Variants in PTPRN observed in about 807,000 individuals in gnomAD.
The protein encoded by PTPRN is protein tyrosine phosphatase receptor type N.
A neutral mutation model predicts 108.5 loss-of-function variants in PTPRN; 70 were observed. The observed-to-expected ratio is 0.65, with a 90% confidence interval of 0.53 to 0.79. The LOEUF is 0.79. Ranked by LOEUF, PTPRN falls within the 30% of genes least tolerant of loss-of-function variation. The probability of loss-of-function intolerance (pLI) is 0.00; values close to 1 mark genes in which losing one functional copy is unlikely to be tolerated. For synonymous variants in PTPRN, 496 were observed against 524.6 expected, an observed-to-expected ratio of 0.95 and a Z score of 0.75; for missense variants, 1,136 against 1,295.5, an observed-to-expected ratio of 0.88 and a Z score of 1.89.
At chr2:219,291,700 G>A (rs988433344) in intron 19 of PTPRN, 177 bp from the exon 20 acceptor site, 89 of 656,498 alleles carry the variant, frequency 1.4e-4, no homozygotes, top group Non-Finnish European at 2.1e-4. Context: ...GCTGGTGTGG[G>A]TGGCATTGGG....
chr2:219,293,696 G>C (rs1207699522), intron 19 of PTPRN, among the ~76,000 whole-genome samples: 1 of 152,102 alleles, frequency 6.6e-6, no homozygotes, highest in Non-Finnish European at 1.5e-5. Flanking sequence ...CAGGCCTCAG[G>C]GACCCCAGTT....
At chr2:219,301,756 C>CGCAA in intron 6 of PTPRN, 37 bp from the exon 7 acceptor site, 1 of 1,582,604 alleles carries the variant, frequency 6.3e-7, no homozygotes, top group Non-Finnish European at 8.6e-7. Context: ...GGGCTGATTG[C>CGCAA]GCAGTGAACT....
chr2:219,290,126 A>G lies in PTPRN; in HGVS notation c.*100T>C. 8.8e-7 allele frequency: 1 copy of G among 1,138,038 alleles called. No homozygotes were observed. Among genetic ancestry groups the G allele is most frequent in the Non-Finnish European group, 1.3e-6 (1 of 759,282 alleles). The allele number at this position is 1,138,038 out of a possible 1,614,324, so 70.5% of individuals were successfully genotyped here. The stretch of plus-strand genomic sequence containing the variant: ...CTTCTAGGAAGGGCTGAGCATGCCC[A>G]AGAGGTGGCTGGTGGGGCAGTGAGG... On this transcript the variant is annotated 3_prime_UTR_variant, in exon 23 of 23. Transcript: ENST00000295718. The surrounding 1 kb of genome is among the most constrained non-coding windows in gnomAD (Gnocchi z 4.2).
chr2:219,293,144 TA>T (rs200108290), intron 19 of PTPRN, among the ~76,000 whole-genome samples: 1,958 of 149,796 alleles, frequency 0.013, 37 homozygotes, highest in African/African-American at 0.04. Context: ...GTTTTCCTTC[TA>T]GGGGGGCTTG....
chr2:219,303,232 C>A (rs1416439866), intron 4 of PTPRN, among the ~76,000 whole-genome samples: 1 of 152,154 alleles, frequency 6.6e-6, no homozygotes, highest in African/African-American at 2.4e-5. Flanking sequence ...AAGTATATGT[C>A]CAAATATTCA....
chr2:219,302,972 A>C, intron 4 of PTPRN, 135 bp from the exon 5 acceptor site: 6 of 503,022 alleles, frequency 1.2e-5, no homozygotes, highest in Non-Finnish European at 2.0e-5. Flanking sequence ...GAGTGACCTC[A>C]GGGGAAGAGA....
At position 219,302,190 on chromosome 2, in the gene PTPRN, T is replaced by G. The variant is rs1488304687; in HGVS notation, c.941A>C (p.Lys314Thr). The change falls in exon 6 of 23, where the codon AAG becomes ACG. Residue 314 changes from lysine to threonine, a missense_variant. Lys to Thr is a moderately conservative substitution (Grantham distance 78). Coordinates refer to ENST00000295718, the MANE Select transcript of PTPRN (RefSeq NM_002846.4). ...CTCTCCACGATCCCCTAGTCCTTCCTTCTCATAGCCCTCTGGGGAGTCCTC... is the reference window on the plus strand; with the variant it reads ...CTCTCCACGATCCCCTAGTCCTTCCGTCTCATAGCCCTCTGGGGAGTCCTC... ...RAEDSPEGYE[K>T]EGLGDRGEKP... 8 of 1,609,524 alleles carry G rather than the reference T, an allele frequency of 5.0e-6. No individual in the cohort carries two copies. Among genetic ancestry groups the G allele is most frequent in the Non-Finnish European group, 6.8e-6 (8 of 1,176,386 alleles).
In PTPRN at chr2:219,297,071, C is replaced by T; in HGVS notation, c.2150G>A (p.Cys717Tyr). ...DRLAKEWQAL[C>Y]AYQAEPNTCA... ...GGTGTTTGGCTCTGCTTGGTAGGCA[C>T]AGAGGGCCTGCCACTCCTTGGCAAG... is the stretch of plus-strand genomic sequence containing the variant. Residue 717 changes from cysteine (C) to tyrosine (Y), a missense_variant, in exon 15 of 23, where the codon TGT becomes TAT. Physicochemically the swap from Cys to Tyr is radical, Grantham distance 194. Coordinates refer to ENST00000295718, the MANE Select transcript of PTPRN (RefSeq NM_002846.4). The surrounding 1 kb of genome is among the most constrained non-coding windows in gnomAD (Gnocchi z 6.0). The T allele has an allele frequency of 6.2e-7, 1 of 1,614,106 alleles. No homozygotes were observed. The highest frequency in any genetic ancestry group is 8.5e-7 in the Non-Finnish European group (1 of 1,180,028).
At chr2:219,298,936 C>G (rs759794094) in intron 12 of PTPRN, 111 bp downstream of exon 12, 3 of 1,306,962 alleles carry the variant, frequency 2.3e-6, no homozygotes, top group Admixed American at 1.7e-5. Context: ...TCCAGCCAGC[C>G]GTGCCTACGG....
At chr2:219,302,983 G>T in intron 4 of PTPRN, 146 bp from the exon 5 acceptor site, 19 of 500,470 alleles carry the variant, frequency 3.8e-5, no homozygotes, top group East Asian at 6.1e-5. Flanking sequence ...GGGGAAGAGA[G>T]ATGGGCTGGG....
intron 3 of PTPRN, 105 bp downstream of exon 3, chr2:219,307,339 C>T (rs759624914): frequency 1.1e-6 from 1 of 940,162 alleles, no homozygotes; most frequent in Non-Finnish European, 1.6e-6. Flanking sequence ...GAAGGTGAGG[C>T]TCCAGCAGTG....
At chr2:219,291,656 A>C in intron 19 of PTPRN, 133 bp from the exon 20 acceptor site, 1 of 944,428 alleles carries the variant, frequency 1.1e-6, no homozygotes. Flanking sequence ...AGATGGTTGG[A>C]GAAAGGAGCC....
Position 219,300,144 on chromosome 2 carries a change from C to G in PTPRN, c.1277G>C (p.Ser426Thr). ...TTTGGGAGGCTCAGAGGAGACAGGG[C>G]TTGGCACCTGCTGGACTTCACTGGA... ...PTSSEVQQVP[S>T]PVSSEPPKAA... The change falls in exon 9 of 23, where the codon AGC (serine) becomes ACC (threonine). Residue 426 changes from serine (S) to threonine (T), a missense_variant. Coordinates refer to ENST00000295718, the MANE Select transcript of PTPRN (RefSeq NM_002846.4). 1 of 1,613,968 alleles carries G rather than the reference C, an allele frequency of 6.2e-7. No individual in the cohort carries two copies. Among genetic ancestry groups the G allele is most frequent in the Non-Finnish European group, 8.5e-7 (1 of 1,179,914 alleles).
chr2:219,298,994 C>T (rs1183410804), intron 12 of PTPRN, 53 bp downstream of exon 12: 8 of 1,601,606 alleles, frequency 5.0e-6, no homozygotes, highest in Middle Eastern at 1.7e-4. Flanking sequence ...CCAGCTCTTG[C>T]GGACAACATC....
intron 12 of PTPRN, among the ~76,000 whole-genome samples, chr2:219,298,420 T>C (rs573064895): frequency 2.8e-4 from 42 of 152,286 alleles, no homozygotes; most frequent in African/African-American, 9.9e-4. Flanking sequence ...ATTTTGAGTA[T>C]AGGCCGGGCG....
chr2:219,297,241 T>C lies in PTPRN; in HGVS notation c.2080A>G (p.Met694Val). 1 of 1,613,950 alleles carries C rather than the reference T, an allele frequency of 6.2e-7. No homozygotes were observed. Among genetic ancestry groups the C allele is most frequent in the East Asian group, 2.2e-5 (1 of 44,866 alleles). The change falls in exon 14 of 23, where the codon ATG becomes GTG. Residue 694 changes from methionine (M) to valine (V), a missense_variant. Coordinates refer to ENST00000295718, the MANE Select transcript of PTPRN (RefSeq NM_002846.4). The surrounding 1 kb of genome is among the most constrained non-coding windows in gnomAD (Gnocchi z 6.0). ...CCAGGCCCTGTCCTGACCAGAATCATGTGTCCCGTGGAGATGTCCATGTTG... is the reference window on the plus strand; with the variant it reads ...CCAGGCCCTGTCCTGACCAGAATCACGTGTCCCGTGGAGATGTCCATGTTG... ...QANMDISTGH[M>V]ILAYMEDHLR...
Position 219,296,661 on chromosome 2 carries a change from G to C in PTPRN, c.2310+88C>G, listed in dbSNP as rs1246426637. Reference sequence around the variant, plus strand: ...GGCCCCACCACTCCAGGGGGTTGGTGGGGTGGCAGGTGACCACGGGGAAAT... The same window carrying C: ...GGCCCCACCACTCCAGGGGGTTGGTCGGGTGGCAGGTGACCACGGGGAAAT... On this transcript the variant is annotated intron_variant, in intron 16 of 22. Transcript: ENST00000295718. This position sits in a 1 kb window ranked among gnomAD's most constrained non-coding sequence, Gnocchi z 6.0. The C allele has an allele frequency of 6.4e-6, 10 of 1,567,264 alleles. No homozygotes were observed. The highest frequency in any genetic ancestry group is 8.7e-6 in the Non-Finnish European group (10 of 1,145,024).
intron 1 of PTPRN, chr2:219,308,762 CCTCT>C (rs145365741): frequency 8.8e-7 from 1 of 1,140,362 alleles, no homozygotes; most frequent in Non-Finnish European, 1.1e-6. Flanking sequence ...GAAACCCTGG[CCTCT>C]CTCTCTGCCC....
chr2:219,290,431 C>A lies in PTPRN; in HGVS notation c.2868+107G>T. ...GAAGGGAGCCCTCCTGGAGGAGGCG[C>A]AGAAGCAGGTGGGAAAGGTTGGCAG... On this transcript the variant is annotated intron_variant, in intron 22 of 22. Transcript: ENST00000295718. The surrounding 1 kb of genome is among the most constrained non-coding windows in gnomAD (Gnocchi z 4.2). 7.2e-7 allele frequency: 1 copy of A among 1,395,280 alleles called. No individual in the cohort carries two copies. The highest frequency in any genetic ancestry group is 9.9e-7 in the Non-Finnish European group (1 of 1,007,876). The allele number at this position is 1,395,280 out of a possible 1,614,324, so 86.4% of individuals were successfully genotyped here.
Sources: gnomAD v4.1 joint callset for allele counts (sites outside exome capture counted in the v4.1 genomes callset) on GRCh38, gnomAD v4.1.1 for gene constraint, Gnocchi (gnomAD v3.1) non-coding constraint, MANE v1.5 for transcripts, NCBI Gene and HGNC (gene_info 2026-07-23, HGNC 2026-07-21) for gene names.